Variants in CDH12 observed in about 807,000 individuals in gnomAD.
The protein encoded by CDH12 is cadherin 12, also known as cadherin-12.
In CDH12, 41 loss-of-function variants were observed where a neutral mutation model predicts 74.1. That is an observed-to-expected ratio of 0.55 (90% confidence interval 0.43 to 0.72). CDH12 has a LOEUF of 0.72. Among genes scored for constraint, CDH12 ranks in the 30% least tolerant of loss-of-function variants. The pLI, the probability that CDH12 is intolerant of heterozygous loss-of-function variation, is 0.00. For synonymous variants in CDH12, 399 were observed against 355.0 expected (o/e 1.12, Z -1.39); for missense variants, 945 against 977.2 (o/e 0.97, Z 0.44).
At chr5:22,117,323 CAT>C (rs565526845) in intron 4 of CDH12, among the ~76,000 whole-genome samples, 54 of 148,142 alleles carry the variant, frequency 3.6e-4, no homozygotes, top group African/African-American at 1.3e-3. Context: ...CTTGAATAAA[CAT>C]ACGAAAATCC....
chr5:22,130,351 T>C (rs890995606), intron 4 of CDH12, among the ~76,000 whole-genome samples: 2 of 152,022 alleles, frequency 1.3e-5, no homozygotes, highest in African/African-American at 4.8e-5. Context: ...CGTGACTTTT[T>C]TCTCTATTTC....
chr5:22,579,536 T>C (rs533523003), intron 1 of CDH12, among the ~76,000 whole-genome samples: 4 of 152,110 alleles, frequency 2.6e-5, no homozygotes, highest in Non-Finnish European at 4.4e-5. Context: ...ATCCCTTTAT[T>C]TTTTTATATT....
rs1330245674 is a variant in CDH12 at position 22,178,291 on chromosome 5, T to C, written c.-187+34207A>G. 5.9e-5 allele frequency among the ~76,000 whole-genome samples: 9 copies of C among 152,300 alleles called. No individual in the cohort carries two copies. The East Asian group carries it at 1.7e-3, about 29-fold the overall frequency. On this transcript the variant is annotated intron_variant, in intron 4 of 14. Transcript: ENST00000382254. Reference sequence around the variant, plus strand: ...CATGGATACCAGAGATATCATTGACTTAATTATTCTTATGCTCATTAAAGC... The same window carrying C: ...CATGGATACCAGAGATATCATTGACCTAATTATTCTTATGCTCATTAAAGC...
At chr5:22,069,797 G>A (rs995933759) in intron 5 of CDH12, among the ~76,000 whole-genome samples, 9 of 152,026 alleles carry the variant, frequency 5.9e-5, no homozygotes, top group African/African-American at 1.9e-4. Flanking sequence ...AGATTCCTTA[G>A]GGCACCCCTT....
intron 1 of CDH12, among the ~76,000 whole-genome samples, chr5:22,720,357 C>T (rs374843335): frequency 7.2e-5 from 11 of 152,218 alleles, no homozygotes; most frequent in South Asian, 2.1e-4. Flanking sequence ...CTTCACCTTG[C>T]GCCATGATTG....
chr5:22,557,711 C>T (rs760983473), intron 1 of CDH12, among the ~76,000 whole-genome samples: 8 of 151,866 alleles, frequency 5.3e-5, no homozygotes, highest in Non-Finnish European at 8.8e-5. Flanking sequence ...TGATAAACTT[C>T]AATATGTGTT....
At chr5:22,248,733 G>C (rs1294335709) in intron 3 of CDH12, among the ~76,000 whole-genome samples, 2 of 152,100 alleles carry the variant, frequency 1.3e-5, no homozygotes, top group Non-Finnish European at 2.9e-5. Flanking sequence ...CATTCTCCAA[G>C]TTTCATAGCT....
chr5:22,465,893 A>C (rs114304264), intron 2 of CDH12, among the ~76,000 whole-genome samples: 1 of 152,120 alleles, frequency 6.6e-6, no homozygotes, highest in Non-Finnish European at 1.5e-5. Context: ...GCATCTACAT[A>C]TGTCTACCAG....
chr5:22,127,542 G>A (rs1221945260), intron 4 of CDH12, among the ~76,000 whole-genome samples: 1 of 150,948 alleles, frequency 6.6e-6, no homozygotes, highest in African/African-American at 2.4e-5. Context: ...GAAAGAATAG[G>A]TCAGGACAGG....
At chr5:22,668,817 T>C (rs3103162) in intron 1 of CDH12, among the ~76,000 whole-genome samples, 115,253 of 152,036 alleles carry the variant, frequency 0.76, 44,340 homozygotes, top group African/African-American at 0.89. Flanking sequence ...CTTTTTCTAT[T>C]GGTCATCTCA....
intron 3 of CDH12, among the ~76,000 whole-genome samples, chr5:22,375,356 C>T (rs145550819): frequency 0.013 from 1,957 of 152,090 alleles, 24 homozygotes; most frequent in Middle Eastern, 0.021. Context: ...AAAAGAAATA[C>T]AAGAAAAATA....
chr5:22,227,255 C>G (rs919365567), intron 3 of CDH12, among the ~76,000 whole-genome samples: 1 of 151,912 alleles, frequency 6.6e-6, no homozygotes, highest in Non-Finnish European at 1.5e-5. Context: ...GGTAAGTGTT[C>G]TACCATAATG....
intron 1 of CDH12, among the ~76,000 whole-genome samples, chr5:22,788,570 A>G (rs1449704913): frequency 1.3e-5 from 2 of 148,306 alleles, no homozygotes; most frequent in African/African-American, 4.9e-5. Context: ...AGTACTCTTG[A>G]TATATATGAA....
At chr5:22,694,662 T>C (rs1470682212) in intron 1 of CDH12, among the ~76,000 whole-genome samples, 1 of 152,096 alleles carries the variant, frequency 6.6e-6, no homozygotes, top group Admixed American at 6.6e-5. Flanking sequence ...CTTTAAGTTA[T>C]GTTTTAAAAT....
intron 1 of CDH12, among the ~76,000 whole-genome samples, chr5:22,651,840 T>TAATA (rs1278963878): frequency 6.6e-6 from 1 of 152,096 alleles, no homozygotes; most frequent in Non-Finnish European, 1.5e-5. Context: ...AATTATATCT[T>TAATA]AATATATCTG....
At chr5:22,397,530 T>C (rs956759611) in intron 3 of CDH12, among the ~76,000 whole-genome samples, 3 of 151,840 alleles carry the variant, frequency 2.0e-5, no homozygotes, top group African/African-American at 7.3e-5. Flanking sequence ...TAATGGAAGT[T>C]GTCCAGCAGC....
intron 1 of CDH12, among the ~76,000 whole-genome samples, chr5:22,684,559 G>C (rs1741660402): frequency 6.6e-6 from 1 of 152,134 alleles, no homozygotes; most frequent in Admixed American, 6.5e-5. Context: ...CATAATTCCA[G>C]GTAAAGCATA....
chr5:22,190,902 C>T lies in CDH12; in HGVS notation c.-187+21596G>A, dbSNP rs1301172911. On this transcript the variant is annotated intron_variant, in intron 4 of 14. Coordinates refer to ENST00000382254, the MANE Select transcript of CDH12 (RefSeq NM_004061.5). ...CCAATCTGTTGCCAAATGAAGTTCA[C>T]TTTTCTCTTTAAATGTTACTCAACT... Among the ~76,000 whole-genome samples the T allele has an allele frequency of 2.0e-5, 3 of 152,214 alleles. No homozygotes were observed. In the East Asian group the frequency reaches 5.8e-4, roughly 29 times the overall value.
Position 22,069,781 on chromosome 5 carries a change from T to C in CDH12, c.231+8665A>G, listed in dbSNP as rs75068259. On this transcript the variant is annotated intron_variant, in intron 5 of 14. Coordinates refer to ENST00000382254, the MANE Select transcript of CDH12 (RefSeq NM_004061.5). ...GATGCAAGGAAGAGTGTGTCTGTAA[T>C]ATTGGAGATTCCTTAGGGCACCCCT... Among the ~76,000 whole-genome samples, 1,038 of 152,176 alleles carry C rather than the reference T, an allele frequency of 6.8e-3. 9 individuals carry two copies. The highest frequency in any genetic ancestry group is 0.024 in the African/African-American group (991 of 41,520).
Sources: gnomAD v4.1 joint callset for allele counts (sites outside exome capture counted in the v4.1 genomes callset) on GRCh38, gnomAD v4.1.1 for gene constraint, MANE v1.5 for transcripts, NCBI Gene and HGNC (gene_info 2026-07-23, HGNC 2026-07-21) for gene names.